The following SEC14L2 variants were observed in gnomAD, a reference collection of about 807,000 sequenced individuals.
SEC14L2 encodes the protein SEC14 like lipid binding 2.
SEC14L2 carries 50 observed loss-of-function variants against 56.9 expected under a neutral mutation model. The observed-to-expected ratio is 0.88, with a 90% CI of 0.70 to 1.11. The LOEUF (loss-of-function observed/expected upper bound fraction) is 1.11. SEC14L2 is among the 50% of genes most tolerant of loss of function. The pLI is 0.00. For synonymous variants in SEC14L2, 179 were observed against 188.5 expected, an observed-to-expected ratio of 0.95 and a Z score of 0.41; for missense variants, 414 against 500.7, an observed-to-expected ratio of 0.83 and a Z score of 1.65.
chr22:30,418,660 A>G (rs1476592109), intron 11 of SEC14L2, among the ~76,000 whole-genome samples: 1 of 152,224 alleles, frequency 6.6e-6, no homozygotes, highest in African/African-American at 2.4e-5. Flanking sequence ...AGAGGAGCAG[A>G]GGCAGGCCAC....
chr22:30,397,755 C>A (rs1172675800), intron 1 of SEC14L2: 1 of 432,078 alleles, frequency 2.3e-6, no homozygotes, highest in East Asian at 7.7e-5. Context: ...CCAGGCTCCC[C>A]CCATGAGGCA....
intron 2 of SEC14L2, among the ~76,000 whole-genome samples, chr22:30,403,701 C>T (rs1934003088): frequency 6.6e-6 from 1 of 152,196 alleles, no homozygotes; most frequent in Non-Finnish European, 1.5e-5. Flanking sequence ...CACTCCTGTT[C>T]CCTAAGAAGA....
chr22:30,409,086 G>C (rs746567888), intron 5 of SEC14L2, 101 bp from the exon 6 acceptor site: 4 of 1,056,592 alleles, frequency 3.8e-6, no homozygotes, highest in Non-Finnish European at 5.9e-6. Flanking sequence ...AACTAGCTCT[G>C]ATTGCTCTCT....
intron 11 of SEC14L2, among the ~76,000 whole-genome samples, chr22:30,418,145 T>TG (rs1214401789): frequency 6.6e-6 from 1 of 152,110 alleles, no homozygotes; most frequent in Non-Finnish European, 1.5e-5. Flanking sequence ...CTCGAACTCC[T>TG]GGGTTCAAGC....
At chr22:30,399,513 CAAAAAAAA>C (rs60817387) in intron 1 of SEC14L2, 122 bp from the exon 2 acceptor site, 194 of 242,752 alleles carry the variant, frequency 8.0e-4, no homozygotes, top group Middle Eastern at 1.4e-3. Flanking sequence ...GACTCTATCT[CAAAAAAAA>C]AAAAAAAAAA....
chr22:30,416,926 T>A, intron 11 of SEC14L2: 2 of 898,986 alleles, frequency 2.2e-6, no homozygotes, highest in African/African-American at 1.8e-5. Context: ...AAAAGGTGCT[T>A]AATCTCTCTT....
At position 30,416,330 on chromosome 22, in the gene SEC14L2, G is replaced by A. The variant is rs763337274; in HGVS notation, c.1008G>A (p.Val336=). 1 of 1,614,250 alleles carries A rather than the reference G, an allele frequency of 6.2e-7. No individual in the cohort carries two copies. The change falls in exon 11 of 12, where the codon GTG becomes GTA. Residue 336 remains valine (V), a synonymous_variant. Transcript: ENST00000615189. ...AGCGGGCAGGGGAGATGACAGAGGT[G>A]CTGCCCAACCAGAGGTACAACTCCC... ...ERQRAGEMTE[V]LPNQRYNSHL...
chr22:30,400,691 C>A (rs145904533), intron 2 of SEC14L2, among the ~76,000 whole-genome samples: 1 of 151,630 alleles, frequency 6.6e-6, no homozygotes, highest in Non-Finnish European at 1.5e-5. Context: ...GCCAGGACTT[C>A]GAGACCAGCC....
intron 5 of SEC14L2, 93 bp downstream of exon 5, chr22:30,407,696 C>A (rs1934136296): frequency 3.5e-5 from 37 of 1,058,412 alleles, no homozygotes; most frequent in Middle Eastern, 2.5e-4. Context: ...AGCACAGCTT[C>A]AGGGCCAAGG....
At chr22:30,402,118 C>T (rs1474171771) in intron 2 of SEC14L2, among the ~76,000 whole-genome samples, 2 of 152,122 alleles carry the variant, frequency 1.3e-5, no homozygotes, top group Non-Finnish European at 2.9e-5. Context: ...TACCCCAGTC[C>T]ACCGCCCAGA....
rs1934609473 is a variant in SEC14L2 at position 30,424,281 on chromosome 22, C to T, written c.*1874C>T. 6.1e-6 allele frequency: 1 copy of T among 163,110 alleles called. No homozygotes were observed. The highest frequency in any genetic ancestry group is 1.4e-5 in the Non-Finnish European group (1 of 73,364). The allele number at this position is 163,110 out of a possible 1,614,324, so 10.1% of individuals were successfully genotyped here. On this transcript the variant is annotated 3_prime_UTR_variant, in exon 12 of 12. Transcript: ENST00000615189. ...TCTAATAATTCCACGCCAGCATTGC[C>T]GGTGTTTCAGGGGGTGGGAACCGCT...
At chr22:30,410,085 C>A (rs1934207794) in intron 7 of SEC14L2, among the ~76,000 whole-genome samples, 1 of 152,048 alleles carries the variant, frequency 6.6e-6, no homozygotes, top group South Asian at 2.1e-4. Context: ...GTAGTCCCAG[C>A]TACTCAGGTG....
intron 8 of SEC14L2, among the ~76,000 whole-genome samples, chr22:30,413,738 C>T (rs1165804654): frequency 1.3e-5 from 2 of 151,620 alleles, no homozygotes; most frequent in Non-Finnish European, 2.9e-5. Flanking sequence ...GAAGTGAACT[C>T]ATCAGGGAAG....
chr22:30,398,172 G>C (rs1933812972), intron 1 of SEC14L2, among the ~76,000 whole-genome samples: 1 of 152,236 alleles, frequency 6.6e-6, no homozygotes, highest in African/African-American at 2.4e-5. Context: ...TCCCAGGAAG[G>C]CTGGACAGGG....
At position 30,422,536 on chromosome 22, in the gene SEC14L2, C is replaced by A; in HGVS notation, c.*129C>A. ...CTGGAGGACAGACCTCAGGAGCTTT[C>A]ATTTCAGTTAGGCAGAGGAAGAGCG... On this transcript the variant is annotated 3_prime_UTR_variant, in exon 12 of 12. Transcript: ENST00000615189. 3 of 1,189,826 alleles carry A rather than the reference C, an allele frequency of 2.5e-6. No individual in the cohort carries two copies. The highest frequency in any genetic ancestry group is 3.5e-6 in the Non-Finnish European group (3 of 855,076). The allele number at this position is 1,189,826 out of a possible 1,614,324, so 73.7% of individuals were successfully genotyped here.
At chr22:30,412,848 C>CAAA (rs112084072) in intron 8 of SEC14L2, among the ~76,000 whole-genome samples, 7 of 137,636 alleles carry the variant, frequency 5.1e-5, no homozygotes, top group Admixed American at 7.3e-5. Context: ...AACAAAAAAA[C>CAAA]AAAAAAAAAA....
intron 2 of SEC14L2, among the ~76,000 whole-genome samples, chr22:30,404,010 A>C (rs1191591788): frequency 2.5e-5 from 2 of 80,938 alleles, no homozygotes. Flanking sequence ...ACTCCGTCTC[A>C]AAAAAAAAAA....
intron 5 of SEC14L2, among the ~76,000 whole-genome samples, chr22:30,408,499 C>A (rs1444404919): frequency 1.3e-5 from 2 of 151,916 alleles, no homozygotes; most frequent in Non-Finnish European, 2.9e-5. Flanking sequence ...GTGAGAGGAT[C>A]ACTTGAACTT....
chr22:30,419,230 T>G (rs1934456286), intron 11 of SEC14L2, among the ~76,000 whole-genome samples: 1 of 152,182 alleles, frequency 6.6e-6, no homozygotes, highest in African/African-American at 2.4e-5. Context: ...GTGTCTCTAT[T>G]AGGTTTGGTT....
Sources: gnomAD v4.1 joint callset for allele counts (sites outside exome capture counted in the v4.1 genomes callset) on GRCh38, gnomAD v4.1.1 for gene constraint, MANE v1.5 for transcripts, NCBI Gene and HGNC (gene_info 2026-07-23, HGNC 2026-07-21) for gene names.